Variants in CD81 observed in about 807,000 individuals in gnomAD.
CD81 encodes the protein CD81 molecule.
CD81 carries 10 observed loss-of-function variants against 30.1 expected under a neutral mutation model. The observed-to-expected ratio is 0.33, with a 90% CI of 0.21 to 0.56. The LOEUF (loss-of-function observed/expected upper bound fraction) is 0.56, where lower values mean the gene tolerates loss of function less well. Among genes scored for constraint, CD81 ranks in the 20% least tolerant of loss-of-function variants. The pLI is 0.89. For missense variants in CD81, 263 were observed against 308.7 expected, an observed-to-expected ratio of 0.85 and a Z score of 1.11; for synonymous variants, 147 against 126.4, an observed-to-expected ratio of 1.16 and a Z score of -1.10.
intron 6 of CD81, 79 bp from the exon 7 acceptor site, chr11:2,396,549 C>A: frequency 8.2e-7 from 1 of 1,219,908 alleles, no homozygotes; most frequent in Non-Finnish European, 1.2e-6. Context: ...TCTGTGGTGA[C>A]CACGGATTAC....
chr11:2,379,964 G>C (rs1418197005), intron 1 of CD81, among the ~76,000 whole-genome samples: 2 of 152,130 alleles, frequency 1.3e-5, no homozygotes, highest in Non-Finnish European at 2.9e-5. Flanking sequence ...GGGCCTCCTT[G>C]GTGGAGTCCC....
chr11:2,383,478 C>T (rs1833199338), intron 1 of CD81, among the ~76,000 whole-genome samples: 1 of 152,184 alleles, frequency 6.6e-6, no homozygotes, highest in African/African-American at 2.4e-5. Flanking sequence ...GTGAGCCCCT[C>T]CCCTCCTTCA....
At chr11:2,385,921 C>G in intron 1 of CD81, 1 of 664,220 alleles carries the variant, frequency 1.5e-6, no homozygotes, top group Non-Finnish European at 2.8e-6. Flanking sequence ...AATACCTGTG[C>G]GTGGAGCAGC....
chr11:2,396,090 C>T (rs1041851978), intron 6 of CD81, 120 bp downstream of exon 6: 9 of 693,548 alleles, frequency 1.3e-5, no homozygotes, highest in Admixed American at 8.0e-5. Flanking sequence ...GGTGGCATGG[C>T]CCCTGTCAGG....
In CD81 at chr11:2,386,900, G is replaced by A. The variant is rs1014130333; in HGVS notation, c.67-3512G>A. Among the ~76,000 whole-genome samples, 29 of 152,334 alleles carry A rather than the reference G, an allele frequency of 1.9e-4. No individual in the cohort carries two copies. In the East Asian group the frequency reaches 2.7e-3, roughly 14 times the overall value. On this transcript the variant is annotated intron_variant, in intron 1 of 7. Transcript: ENST00000263645. Reference sequence around the variant, plus strand: ...AGGACCAGCCTTCCCTGCAACCCTCGGCAGAGGCCTGGGGCCGGGGCTTGT... The same window carrying A: ...AGGACCAGCCTTCCCTGCAACCCTCAGCAGAGGCCTGGGGCCGGGGCTTGT...
At chr11:2,396,311 G>GT in intron 6 of CD81, 1 of 570,998 alleles carries the variant, frequency 1.8e-6, no homozygotes, top group Non-Finnish European at 3.1e-6. Context: ...CCCTGTGGAA[G>GT]TTTCCTGCTG....
rs1025848105 is a variant in CD81 at position 2,378,310 on chromosome 11, C to G, written c.66+695C>G. The stretch of plus-strand genomic sequence containing the variant: ...CTCCCTCTCCTCACCCAGACACGTT[C>G]CAGCGGAGGCCTCCTCCCAGAAGGG... On this transcript the variant is annotated intron_variant, in intron 1 of 7. Coordinates refer to ENST00000263645, the MANE Select transcript of CD81 (RefSeq NM_004356.4). This position sits in a 1 kb window ranked among gnomAD's most constrained non-coding sequence, Gnocchi z 4.9. 6.6e-6 allele frequency among the ~76,000 whole-genome samples: 1 copy of G among 152,172 alleles called. No individual in the cohort carries two copies. The highest frequency in any genetic ancestry group is 2.4e-5 in the African/African-American group (1 of 41,458).
rs977836143 is a variant in CD81, at chr11:2,390,516, C to T, written c.171C>T (p.Thr57=). The part of the protein sequence containing the change: ...LELGDKPAPN[T]FYVGIYILIA... ...TGGGAGACAAGCCCGCGCCCAACACCTTCTATGTAGGTGAGTGCACATGTG... is the reference window on the plus strand; with the variant it reads ...TGGGAGACAAGCCCGCGCCCAACACTTTCTATGTAGGTGAGTGCACATGTG... The change falls in exon 2 of 8, where the codon ACC becomes ACT. Residue 57 remains threonine, a synonymous_variant. Transcript: ENST00000263645. The T allele has an allele frequency of 2.5e-6, 4 of 1,611,166 alleles. No individual in the cohort carries two copies. Among genetic ancestry groups the T allele is most frequent in the Non-Finnish European group, 3.4e-6 (4 of 1,178,438 alleles).
chr11:2,390,585 C>G, intron 2 of CD81, 59 bp downstream of exon 2: 1 of 1,258,242 alleles, frequency 7.9e-7, no homozygotes, highest in Non-Finnish European at 1.2e-6. Context: ...GAGGCAGGTC[C>G]TAGCCTTTTG....
rs535797531 is a variant in CD81, at chr11:2,397,225, G to A, written c.*359G>A. 8.3e-5 allele frequency: 33 copies of A among 396,970 alleles called. No individual in the cohort carries two copies. The highest frequency in any genetic ancestry group is 3.9e-4 in the African/African-American group (19 of 48,590). The allele number at this position is 396,970 out of a possible 1,614,324, so 24.6% of individuals were successfully genotyped here. ...TTGGGGGGCTGTGTCCACCCAGCCC[G>A]CCCGTCCTGTGGGCTGCACAGCTCA... On this transcript the variant is annotated 3_prime_UTR_variant, in exon 8 of 8. Coordinates refer to ENST00000263645, the MANE Select transcript of CD81 (RefSeq NM_004356.4).
chr11:2,390,228 C>G, intron 1 of CD81, 184 bp from the exon 2 acceptor site: 1 of 668,416 alleles, frequency 1.5e-6, no homozygotes, highest in Non-Finnish European at 2.7e-6. Flanking sequence ...GCCAAAGCAC[C>G]CGCCCCATGC....
intron 1 of CD81, chr11:2,379,042 C>T: frequency 2.4e-6 from 1 of 420,966 alleles, no homozygotes; most frequent in Non-Finnish European, 4.9e-6. Flanking sequence ...ACTGCCCTGG[C>T]AGTGGGGGCA....
intron 4 of CD81, 146 bp downstream of exon 4, chr11:2,395,192 G>A: frequency 1.3e-6 from 1 of 762,494 alleles, no homozygotes; most frequent in Non-Finnish European, 2.3e-6. Context: ...ATCTCCAGGG[G>A]CTTTATGGAG....
rs1850023868 is a variant in CD81, at chr11:2,396,987, C to T, written c.*121C>T. The T allele has an allele frequency of 3.3e-5, 31 of 949,342 alleles. No individual in the cohort carries two copies. In the South Asian group the frequency reaches 4.3e-4, roughly 13 times the overall value. 58.8% of individuals were successfully genotyped at this position (949,342 alleles called of 1,614,324 possible). The stretch of plus-strand genomic sequence containing the variant: ...CCGGTATTACTCTGCTACACGTAGC[C>T]TTTTTACTTTTGGGGTTTTGTTTTT... On this transcript the variant is annotated 3_prime_UTR_variant, in exon 8 of 8. Transcript: ENST00000263645.
In CD81 at chr11:2,377,673, C is replaced by CAGGTCCCGCGGCAGCGTGCT; in HGVS notation, c.66+62_66+81dup. The CAGGTCCCGCGGCAGCGTGCT allele has an allele frequency of 8.3e-7, 1 of 1,210,524 alleles. No individual in the cohort carries two copies. The highest frequency in any genetic ancestry group is 1.1e-6 in the Non-Finnish European group (1 of 874,946). The allele number at this position is 1,210,524 out of a possible 1,614,324, so 75.0% of individuals were successfully genotyped here. On this transcript the variant is annotated intron_variant, in intron 1 of 7. Transcript: ENST00000263645. This position sits in a 1 kb window ranked among gnomAD's most constrained non-coding sequence, Gnocchi z 7.7. ...GGGCAGGCACACACTCCACGTTGGG[C>CAGGTCCCGCGGCAGCGTGCT]AGGTCCCGCGGCAGCGTGCTAGGCC...
rs11022606 is a variant in CD81 at position 2,396,040 on chromosome 11, G to T, written c.561+70G>T. ...GCCCCTGGGTGGGGTCCTAGGGGTG[G>T]GCAGGTCACACGGCAGCCCCACAGG... On this transcript the variant is annotated intron_variant, in intron 6 of 7. Coordinates refer to ENST00000263645, the MANE Select transcript of CD81 (RefSeq NM_004356.4). 28,080 of 1,051,314 alleles carry T rather than the reference G, an allele frequency of 0.027. 2,087 individuals carry two copies. The highest frequency in any genetic ancestry group is 0.23 in the African/African-American group (14,928 of 64,008). 65.1% of individuals were successfully genotyped at this position (1,051,314 alleles called of 1,614,324 possible).
At chr11:2,394,919 G>T in intron 3 of CD81, 53 bp from the exon 4 acceptor site, 1 of 1,534,958 alleles carries the variant, frequency 6.5e-7, no homozygotes. Context: ...GTGTCCTTGG[G>T]CCCCGCCTAC....
intron 5 of CD81, 43 bp downstream of exon 5, chr11:2,395,563 A>C (rs1849984192): frequency 6.7e-7 from 1 of 1,482,774 alleles, no homozygotes. Flanking sequence ...GGCCCCGGGA[A>C]CCCGGCGGGG....
chr11:2,387,614 A>T (rs1849819689), intron 1 of CD81, among the ~76,000 whole-genome samples: 1 of 151,598 alleles, frequency 6.6e-6, no homozygotes, highest in Non-Finnish European at 1.5e-5. Context: ...TATAATGGGC[A>T]CAGAAGAACC....
Sources: gnomAD v4.1 joint callset for allele counts (sites outside exome capture counted in the v4.1 genomes callset) on GRCh38, gnomAD v4.1.1 for gene constraint, Gnocchi (gnomAD v3.1) non-coding constraint, MANE v1.5 for transcripts, NCBI Gene and HGNC (gene_info 2026-07-23, HGNC 2026-07-21) for gene names.